Variants in TSPEAR observed in about 807,000 individuals in gnomAD.
TSPEAR encodes the protein thrombospondin-type laminin G domain and EAR repeat-containing protein.
TSPEAR carries 69 observed loss-of-function variants against 71.6 expected under a neutral mutation model. That is an observed-to-expected ratio of 0.96 (90% CI 0.79 to 1.18). TSPEAR has a LOEUF of 1.18. TSPEAR is among the 50% of genes most tolerant of loss of function. The pLI is 0.00. For missense variants in TSPEAR, 971 were observed against 894.9 expected (o/e 1.09, Z -1.09); for synonymous variants, 402 against 387.2 (o/e 1.04, Z -0.45).
Position 44,533,858 on chromosome 21 carries a change from C to CA in TSPEAR, c.368dup (p.Leu123PhefsTer134). ...ACAGGAAGTGCAGCTGGGCAGGTGACAACCGCAGGCCGAGCAGCAGCAGGT... is the reference window on the plus strand; with the variant it reads ...ACAGGAAGTGCAGCTGGGCAGGTGACAAACCGCAGGCCGAGCAGCAGCAGGT... On this transcript the variant is annotated frameshift_variant, in exon 3 of 12. Coordinates refer to ENST00000323084, the MANE Select transcript of TSPEAR (RefSeq NM_144991.3). LOFTEE classifies it high-confidence loss of function. 1 of 1,612,464 alleles carries CA rather than the reference C, an allele frequency of 6.2e-7. No individual in the cohort carries two copies. Among genetic ancestry groups the CA allele is most frequent in the Non-Finnish European group, 8.5e-7 (1 of 1,179,906 alleles).
chr21:44,657,117 G>T (rs1270743328), intron 1 of TSPEAR, among the ~76,000 whole-genome samples: 12 of 151,990 alleles, frequency 7.9e-5, no homozygotes, highest in Non-Finnish European at 1.6e-4. Context: ...TCTCCTCACA[G>T]ACGCCCCCCA....
chr21:44,539,331 G>A lies in TSPEAR; in HGVS notation c.304-5408C>T, dbSNP rs376945481. The A allele has an allele frequency of 1.1e-4, 172 of 1,611,744 alleles. No individual in the cohort carries two copies. Among genetic ancestry groups the A allele is most frequent in the Middle Eastern group, 5.1e-4 (3 of 5,872 alleles). On this transcript the variant is annotated intron_variant, in intron 2 of 11. Transcript: ENST00000323084. ...CAGGCCGGGCGGGAGCACGCGGGGC[G>A]GCAGAGGAGGGACACGCAGGAGGCC...
At chr21:44,632,131 C>T (rs969948789) in intron 1 of TSPEAR, among the ~76,000 whole-genome samples, 5 of 151,340 alleles carry the variant, frequency 3.3e-5, no homozygotes, top group Admixed American at 1.3e-4. Flanking sequence ...AAAAACTTCC[C>T]AAATATGATG....
intron 1 of TSPEAR, among the ~76,000 whole-genome samples, chr21:44,669,407 C>A (rs991397070): frequency 1.3e-5 from 2 of 152,162 alleles, no homozygotes; most frequent in Admixed American, 1.3e-4. Flanking sequence ...TGTGACAGAG[C>A]AGGACTCCAT....
rs201634375 is a variant in TSPEAR, at chr21:44,627,271, A to C, written c.83-59266T>G. 1.1e-3 allele frequency: 1,709 copies of C among 1,612,302 alleles called. 15 individuals are homozygous for C. The highest frequency in any genetic ancestry group is 2.6e-3 in the Middle Eastern group (13 of 4,948). On this transcript the variant is annotated intron_variant, in intron 1 of 11. Coordinates refer to ENST00000323084, the MANE Select transcript of TSPEAR (RefSeq NM_144991.3). ...CTGCTGTGAGCCCCCCTGCTGCGCC[A>C]CCAGCTGCTGCGCCCCGGCCCCCTG...
Position 44,697,894 on chromosome 21 carries a change from C to A in TSPEAR, c.82+13539G>T, listed in dbSNP as rs1555950995. 7 of 1,602,976 alleles carry A rather than the reference C, an allele frequency of 4.4e-6. No individual in the cohort carries two copies. The East Asian group carries it at 1.6e-4, about 36-fold the overall frequency. ...CAAGCTGCGGCCGCCTGGCCTCCTGCGGGTCCCTCCTCTGCCGCCCCACAT... is the reference window on the plus strand; with the variant it reads ...CAAGCTGCGGCCGCCTGGCCTCCTGAGGGTCCCTCCTCTGCCGCCCCACAT... On this transcript the variant is annotated intron_variant, in intron 1 of 11. Transcript: ENST00000323084.
chr21:44,676,292 G>A (rs747169382), intron 1 of TSPEAR: 28 of 1,211,716 alleles, frequency 2.3e-5, no homozygotes, highest in Non-Finnish European at 2.8e-5. Flanking sequence ...GACTCTGGAG[G>A]GATAGCTGTG....
chr21:44,634,129 G>A (rs1194373065), intron 1 of TSPEAR, among the ~76,000 whole-genome samples: 1 of 152,150 alleles, frequency 6.6e-6, no homozygotes, highest in African/African-American at 2.4e-5. Context: ...TGCACCTGTA[G>A]TCCCAGCTAC....
chr21:44,526,678 G>A (rs2052862383), intron 7 of TSPEAR, among the ~76,000 whole-genome samples: 1 of 152,220 alleles, frequency 6.6e-6, no homozygotes, highest in Admixed American at 6.5e-5. Context: ...ACTATTTGGG[G>A]GCAGTCAGGA....
At chr21:44,637,974 C>G in intron 1 of TSPEAR, 1 of 1,613,750 alleles carries the variant, frequency 6.2e-7, no homozygotes, top group South Asian at 1.1e-5. Context: ...TGCTGCAGAC[C>G]CTCCTCCTCC....
rs966753627 is a variant in TSPEAR at position 44,519,981 on chromosome 21, C to T, written c.1566+1902G>A. 2.6e-5 allele frequency: 4 copies of T among 152,502 alleles called. No individual in the cohort carries two copies. In the East Asian group the frequency reaches 7.7e-4, roughly 29 times the overall value. 9.4% of individuals were successfully genotyped at this position (152,502 alleles called of 1,614,324 possible). A position where few individuals can be genotyped will look rare whatever the true frequency, so the allele number is the denominator to read the frequency against. On this transcript the variant is annotated intron_variant, in intron 9 of 11. Coordinates refer to ENST00000323084, the MANE Select transcript of TSPEAR (RefSeq NM_144991.3). ...AATGGCTGGAAGGAATCTTGCTCAC[C>T]CCCAATCCCAGTGCACTGAGCCTCA...
chr21:44,658,420 G>C lies in TSPEAR; in HGVS notation c.82+53013C>G, dbSNP rs1985297505. 3 of 646,676 alleles carry C rather than the reference G, an allele frequency of 4.6e-6. No homozygotes were observed. The East Asian group carries it at 8.7e-5, about 19-fold the overall frequency. 40.1% of individuals were successfully genotyped at this position (646,676 alleles called of 1,614,324 possible). A position where few individuals can be genotyped will look rare whatever the true frequency, so the allele number is the denominator to read the frequency against. On this transcript the variant is annotated intron_variant, in intron 1 of 11. Coordinates refer to ENST00000323084, the MANE Select transcript of TSPEAR (RefSeq NM_144991.3). ...GGTGAGAACGTGGAAAAATGATTCA[G>C]ACCTTCCATGACCCTGGGAACCCCC...
chr21:44,573,856 C>T, intron 1 of TSPEAR: 1 of 1,614,080 alleles, frequency 6.2e-7, no homozygotes, highest in Non-Finnish European at 8.5e-7. Flanking sequence ...GACGACTGCC[C>T]AGAGAGCTGC....
chr21:44,604,382 G>A (rs1281823368), intron 1 of TSPEAR, among the ~76,000 whole-genome samples: 1 of 151,934 alleles, frequency 6.6e-6, no homozygotes, highest in Non-Finnish European at 1.5e-5. Context: ...CGCAATTATA[G>A]GATAAGATGT....
chr21:44,589,919 G>A (rs587654261), intron 1 of TSPEAR, among the ~76,000 whole-genome samples: 13 of 152,352 alleles, frequency 8.5e-5, no homozygotes, highest in African/African-American at 9.6e-5. Flanking sequence ...CCAGCTACCC[G>A]GAGAACCAGG....
At chr21:44,697,167 C>T in intron 1 of TSPEAR, 1 of 1,601,712 alleles carries the variant, frequency 6.2e-7, no homozygotes, top group East Asian at 2.2e-5. Context: ...CCTCTCAGCT[C>T]CCCCAGCTCA....
intron 1 of TSPEAR, chr21:44,702,814 C>T: frequency 8.9e-7 from 1 of 1,128,104 alleles, no homozygotes; most frequent in Admixed American, 1.9e-5. Flanking sequence ...GGCACGTCCC[C>T]CAGGGCCAGC....
Position 44,570,969 on chromosome 21 carries a change from T to C in TSPEAR, c.83-2964A>G, listed in dbSNP as rs185161005. ...AAGAAAAGATAATTGGGAGGTCCAA[T>C]ATCTAATAAAGGACACCTTCCAACA... On this transcript the variant is annotated intron_variant, in intron 1 of 11. Transcript: ENST00000323084. 1.8e-3 allele frequency among the ~76,000 whole-genome samples: 269 copies of C among 152,294 alleles called. 2 individuals carry two copies. Among genetic ancestry groups the C allele is most frequent in the Non-Finnish European group, 2.6e-3 (175 of 68,030 alleles).
At chr21:44,706,063 C>T (rs889332420) in intron 1 of TSPEAR, among the ~76,000 whole-genome samples, 2 of 152,278 alleles carry the variant, frequency 1.3e-5, no homozygotes, top group Middle Eastern at 3.4e-3. Flanking sequence ...AAAGAACCTA[C>T]GTGATTATCG....
Sources: gnomAD v4.1 joint callset for allele counts (sites outside exome capture counted in the v4.1 genomes callset) on GRCh38, gnomAD v4.1.1 for gene constraint, MANE v1.5 for transcripts, NCBI Gene and HGNC (gene_info 2026-07-23, HGNC 2026-07-21) for gene names.